The following PRDX1 variants were observed in gnomAD, a reference collection of about 807,000 sequenced individuals.
PRDX1 encodes peroxiredoxin-1.
In PRDX1, 19 loss-of-function variants were observed where a neutral mutation model predicts 20.7. That is an observed-to-expected ratio of 0.92 (90% CI 0.64 to 1.35). PRDX1 has a LOEUF of 1.35. Among genes scored for constraint, PRDX1 ranks in the 40% most tolerant of loss-of-function variants. The pLI is 0.00. For synonymous variants in PRDX1, 89 were observed against 83.9 expected (o/e 1.06, Z -0.33); for missense variants, 226 against 240.0 (o/e 0.94, Z 0.38).
intron 5 of PRDX1, chr1:45,512,923 TGCTAGCCAAGCTA>T (rs1325717614): frequency 6.6e-6 from 1 of 152,192 alleles, no homozygotes; most frequent in African/African-American, 2.4e-5. Flanking sequence ...GATTACTTGG[TGCTAGCCAAGCTA>T]GCACCTTTGG....
In PRDX1 at chr1:45,511,315, A is replaced by C. The variant is rs150550487; in HGVS notation, c.*14T>G. 1.9e-6 allele frequency: 3 copies of C among 1,597,216 alleles called. No individual in the cohort carries two copies. Among genetic ancestry groups the C allele is most frequent in the African/African-American group, 1.4e-5 (1 of 73,992 alleles). ...GGCTGCCCACCGCAGCCTGGCACTA[A>C]AACAGCCCAGCGCTCACTTCTGCTT... is the stretch of plus-strand genomic sequence containing the variant. On this transcript the variant is annotated 3_prime_UTR_variant, in exon 6 of 6. Coordinates refer to ENST00000319248, the MANE Select transcript of PRDX1 (RefSeq NM_181697.3).
intron 3 of PRDX1, 123 bp downstream of exon 3, chr1:45,515,531 A>AGGGC: frequency 9.8e-7 from 1 of 1,015,774 alleles, no homozygotes; most frequent in Non-Finnish European, 1.4e-6. Context: ...ACTGGGAGGC[A>AGGGC]GAGCTTGAAG....
chr1:45,514,391 C>T (rs1643818942), intron 5 of PRDX1, 116 bp downstream of exon 5: 9 of 1,285,194 alleles, frequency 7.0e-6, no homozygotes, highest in South Asian at 2.7e-5. Flanking sequence ...ACTTTGTCTA[C>T]GTGTCTTTTT....
chr1:45,516,770 G>A (rs918185528), intron 2 of PRDX1, among the ~76,000 whole-genome samples: 1 of 151,912 alleles, frequency 6.6e-6, no homozygotes, highest in Non-Finnish European at 1.5e-5. Context: ...AGCAGTTTGG[G>A]AGGCAGTTTG....
At chr1:45,517,630 A>C (rs904813483) in intron 2 of PRDX1, among the ~76,000 whole-genome samples, 2 of 152,026 alleles carry the variant, frequency 1.3e-5, no homozygotes, top group Non-Finnish European at 2.9e-5. Flanking sequence ...AAATACAAAA[A>C]AATTAGCCAA....
upstream of PRDX1, among the ~76,000 whole-genome samples, chr1:45,522,144 C>T (rs1265948179): frequency 6.6e-6 from 1 of 152,190 alleles, no homozygotes; most frequent in Non-Finnish European, 1.5e-5. Context: ...TAGGTTAATC[C>T]TAGATCTCTG....
intron 2 of PRDX1, among the ~76,000 whole-genome samples, chr1:45,516,928 G>A (rs1156453851): frequency 6.6e-6 from 1 of 151,494 alleles, no homozygotes; most frequent in Non-Finnish European, 1.5e-5. Flanking sequence ...GGCTGAGCCA[G>A]GAGAATCACT....
chr1:45,514,933 G>A lies in PRDX1; in HGVS notation c.323C>T (p.Pro108Leu), dbSNP rs1177591218. ...GPMNIPLVSDPKRTIAQDYGV... is the reference protein window; with the variant it reads ...GPMNIPLVSDLKRTIAQDYGV... ...ATAATCCTGAGCAATGGTGCGCTTC[G>A]GGTCTGATACCAAAGGAATGTTCAT... The change falls in exon 4 of 6, where the codon CCG (proline) becomes CTG (leucine). Residue 108 changes from proline (P) to leucine (L), a missense_variant. By Grantham distance (98) the Pro-to-Leu change is moderately conservative. Transcript: ENST00000319248. The A allele has an allele frequency of 1.7e-5, 27 of 1,614,054 alleles. No individual in the cohort carries two copies. Among genetic ancestry groups the A allele is most frequent in the South Asian group, 5.5e-5 (5 of 91,084 alleles).
rs1007989376 is a variant in PRDX1, at chr1:45,517,005, G to T, written c.107-1198C>A. ...CACTGCACTACAGCCTGTGCGACAA[G>T]ATCAAAATTCCACCTCAAAAAAAAA... On this transcript the variant is annotated intron_variant, in intron 2 of 5. Transcript: ENST00000319248. 3.1e-5 allele frequency among the ~76,000 whole-genome samples: 4 copies of T among 128,992 alleles called. No individual in the cohort carries two copies. In the East Asian group the frequency reaches 8.9e-4, roughly 29 times the overall value. 84.6% of individuals were successfully genotyped at this position (128,992 alleles called of 152,430 possible).
rs780092572 is a variant in PRDX1 at position 45,514,669 on chromosome 1, AG to A, written c.384-33del. ...AAAGAGATGAAAGGAAAAGCAATAC[AG>A]GTTTAGAGATGTGCTTTGTTAGAAT... On this transcript the variant is annotated intron_variant, in intron 4 of 5. Transcript: ENST00000319248. 65 of 1,611,302 alleles carry A rather than the reference AG, an allele frequency of 4.0e-5. 1 individual carries two copies. Among genetic ancestry groups the A allele is most frequent in the Non-Finnish European group, 1.0e-5 (12 of 1,177,640 alleles).
intron 2 of PRDX1, 48 bp downstream of exon 2, chr1:45,518,890 G>A: frequency 6.9e-7 from 1 of 1,454,574 alleles, no homozygotes; most frequent in Non-Finnish European, 9.5e-7. Context: ...GCCACCCCTA[G>A]AATATAAAAT....
Position 45,511,355 on chromosome 1 carries a change from TG to T in PRDX1, c.573del (p.Ser191ArgfsTer24). ...SDTIKPDVQK[S>X]KEYFSKQK is the part of the protein sequence containing the mutation. ...CACTTCTGCTTGGAGAAATATTCTT[TG>T]CTCTTTTGGACATCAGGCTTGATGG... On this transcript the variant is annotated frameshift_variant, in exon 6 of 6. Coordinates refer to ENST00000319248, the MANE Select transcript of PRDX1 (RefSeq NM_181697.3). LOFTEE classifies it high-confidence loss of function. The T allele has an allele frequency of 6.2e-7, 1 of 1,613,114 alleles. No homozygotes were observed. Among genetic ancestry groups the T allele is most frequent in the Non-Finnish European group, 8.5e-7 (1 of 1,179,624 alleles).
intron 5 of PRDX1, chr1:45,511,671 AAAGTTT>A: frequency 2.9e-6 from 1 of 340,576 alleles, no homozygotes; most frequent in Non-Finnish European, 5.3e-6. Context: ...AAAAAAAGGC[AAAGTTT>A]AAATAATTTG....
At chr1:45,518,466 T>TC (rs1553163910) in intron 2 of PRDX1, among the ~76,000 whole-genome samples, 7 of 15,494 alleles carry the variant, frequency 4.5e-4, no homozygotes, top group African/African-American at 2.6e-3. Context: ...AAACTCCATC[T>TC]CAAAAAAAAA....
In PRDX1 at chr1:45,518,977, C is replaced by T. The variant is rs539081701; in HGVS notation, c.67G>A (p.Asp23Asn). Residue 23 changes from aspartate to asparagine, a missense_variant, in exon 2 of 6, where the codon GAT (aspartate) becomes AAT (asparagine). Asp to Asn is a conservative substitution (Grantham distance 23, BLOSUM62 1). Transcript: ENST00000319248. Reference sequence around the variant, plus strand: ...AGGCTGATATCTTTAAACTGACCATCTGGCATAACAGCTGTGGCTTTGAAG... The same window carrying T: ...AGGCTGATATCTTTAAACTGACCATTTGGCATAACAGCTGTGGCTTTGAAG... ...PNFKATAVMP[D>N]GQFKDISLSD... 3 of 1,605,972 alleles carry T rather than the reference C, an allele frequency of 1.9e-6. No individual in the cohort carries two copies. The highest frequency in any genetic ancestry group is 2.5e-6 in the Non-Finnish European group (3 of 1,177,178).
rs756503279 is a variant in PRDX1 at position 45,515,814 on chromosome 1, G to A, written c.107-7C>T. 8 of 1,545,182 alleles carry A rather than the reference G, an allele frequency of 5.2e-6. No individual in the cohort carries two copies. The East Asian group carries it at 7.2e-5, about 14-fold the overall frequency. On this transcript the variant is annotated splice_region_variant and splice_polypyrimidine_tract_variant and intron_variant, in intron 2 of 5. Coordinates refer to ENST00000319248, the MANE Select transcript of PRDX1 (RefSeq NM_181697.3). ...AAGAACACAACATATTTTCCTGGGG[G>A]GAAAATCGGAGTCATGGTTAGCATT...
intron 5 of PRDX1, chr1:45,512,069 C>CTTTTTTTTTTTTTTTTTTTTTTTTTTT (rs869087041): frequency 1.5e-5 from 1 of 66,904 alleles, no homozygotes; most frequent in African/African-American, 5.8e-5. Flanking sequence ...TCTTATTTTT[C>CTTTTTTTTTTTTTTTTTTTTTTTTTTT]TTTTTTTTTT....
intron 1 of PRDX1, among the ~76,000 whole-genome samples, chr1:45,521,177 A>G (rs962927149): frequency 6.6e-6 from 1 of 152,164 alleles, no homozygotes; most frequent in East Asian, 1.9e-4. Context: ...AATTCGGGGT[A>G]AAGGCTGCTG....
At chr1:45,514,461 C>T (rs1481933520) in intron 5 of PRDX1, 46 bp downstream of exon 5, 1 of 1,610,858 alleles carries the variant, frequency 6.2e-7, no homozygotes, top group Non-Finnish European at 8.5e-7. Flanking sequence ...CAACCCACCC[C>T]TTCATACCAC....
Sources: allele counts gnomAD v4.1 joint callset (sites outside exome capture counted in the v4.1 genomes callset), GRCh38; gene constraint gnomAD v4.1.1; transcripts MANE v1.5; gene names NCBI Gene and HGNC (gene_info 2026-07-23, HGNC 2026-07-21).